The following TCIRG1 variants were observed in gnomAD, a reference collection of about 807,000 sequenced individuals.
TCIRG1 encodes V-type proton ATPase 116 kDa subunit a 3.
A neutral mutation model predicts 95.5 loss-of-function variants in TCIRG1; 86 were observed. That is an observed-to-expected ratio of 0.90 (90% CI 0.76 to 1.08). The LOEUF (loss-of-function observed/expected upper bound fraction) is 1.08, where lower values mean the gene tolerates loss of function less well. Among genes scored for constraint, TCIRG1 ranks in the 50% least tolerant of loss-of-function variants. The probability of loss-of-function intolerance (pLI) is 0.00; values close to 1 mark genes in which losing one functional copy is unlikely to be tolerated. For synonymous variants in TCIRG1, 499 were observed against 501.3 expected (o/e 1.00, Z 0.06); for missense variants, 1,069 against 1,140.2 (o/e 0.94, Z 0.90).
At position 68,049,286 on chromosome 11, in the gene TCIRG1, C is replaced by A; in HGVS notation, c.1879C>A (p.Pro627Thr). The change falls in exon 15 of 20, where the codon CCC (proline) becomes ACC (threonine). Residue 627 changes from proline (P) to threonine (T), a missense_variant. By Grantham distance (38) the Pro-to-Thr change is conservative (BLOSUM62 -1). Coordinates refer to ENST00000265686, the MANE Select transcript of TCIRG1 (RefSeq NM_006019.4). ...CAGCCCCAGCAACAGGCTGCTCTAC[C>A]CCCGGCAGGTGGGCTGCGGCTGGTG... ...SHSPSNRLLY[P>T]RQEVVQATLV... is the part of the protein sequence containing the mutation. 1.9e-6 allele frequency: 3 copies of A among 1,608,196 alleles called. No individual in the cohort carries two copies. Among genetic ancestry groups the A allele is most frequent in the Non-Finnish European group, 2.5e-6 (3 of 1,176,786 alleles).
rs771198568 is a variant in TCIRG1, at chr11:68,042,753, C to G, written c.307C>G (p.Arg103Gly). 3 of 1,547,274 alleles carry G rather than the reference C, an allele frequency of 1.9e-6. No homozygotes were observed. The highest frequency in any genetic ancestry group is 2.6e-6 in the Non-Finnish European group (3 of 1,146,382). Reference protein sequence around the residue: ...DLLRIQEETERLAQELRDVRG... With the variant: ...DLLRIQEETEGLAQELRDVRG... Reference sequence around the variant, plus strand: ...GCTGCGCATCCAGGAGGAGACGGAGCGCCTGGCCCAGGAGCTGCGGGATGT... The same window carrying G: ...GCTGCGCATCCAGGAGGAGACGGAGGGCCTGGCCCAGGAGCTGCGGGATGT... The change falls in exon 4 of 20, where the codon CGC (arginine) becomes GGC (glycine). Residue 103 changes from arginine (R) to glycine (G), a missense_variant. Transcript: ENST00000265686.
rs201017845 is a variant in TCIRG1, at chr11:68,050,199, C to T, written c.2181C>T (p.Cys727=). 61 of 1,613,666 alleles carry T rather than the reference C, an allele frequency of 3.8e-5. No individual in the cohort carries two copies. The East Asian group carries it at 1.1e-3, about 28-fold the overall frequency. ...ACACCATCGAGTTCTGCCTGGGCTG[C>T]GTCTCCAACACCGCCTCCTACCTGC... The part of the protein sequence containing the change: ...AIHTIEFCLG[C]VSNTASYLRL... The change falls in exon 18 of 20, where the codon TGC becomes TGT. Residue 727 remains cysteine, a synonymous_variant. Transcript: ENST00000265686.
At position 68,043,031 on chromosome 11, in the gene TCIRG1, A is replaced by C; in HGVS notation, c.503A>C (p.Asn168Thr). The C allele has an allele frequency of 1.3e-6, 2 of 1,550,000 alleles. No homozygotes were observed. The highest frequency in any genetic ancestry group is 1.7e-6 in the Non-Finnish European group (2 of 1,147,010). The change falls in exon 5 of 20, where the codon AAC becomes ACC. Residue 168 changes from asparagine (N) to threonine (T), a missense_variant and splice_region_variant. Transcript: ENST00000265686. ...GGGCCGCACCAGGACCTGAGGGTCA[A>C]GTGAGTGAGGGATGACCTCATGCCC... ...PGGPHQDLRV[N>T]FVAGAVEPHK...
rs747971622 is a variant in TCIRG1, at chr11:68,049,748, G to A, written c.1973G>A (p.Arg658His). The A allele has an allele frequency of 2.2e-5, 35 of 1,577,494 alleles. No individual in the cohort carries two copies. Among genetic ancestry groups the A allele is most frequent in the Admixed American group, 1.3e-4 (7 of 55,718 alleles). Residue 658 changes from arginine (R) to histidine (H), a missense_variant, in exon 16 of 20, where the codon CGC becomes CAC. By Grantham distance (29) the Arg-to-His change is conservative. Transcript: ENST00000265686. ...GGCACACCCCTGCACCTGCTGCACC[G>A]CCACCGCCGCCGCCTGCGGAGGAGG... ...LLGTPLHLLH[R>H]HRRRLRRRPA...
chr11:68,044,925 A>G (rs1269285612), intron 9 of TCIRG1, 33 bp from the exon 10 acceptor site: 1 of 1,603,924 alleles, frequency 6.2e-7, no homozygotes, highest in South Asian at 1.1e-5. Context: ...GGCCCCCGCC[A>G]CCGTTCTGGT....
rs1383427902 is a variant in TCIRG1 at position 68,042,717 on chromosome 11, C to T, written c.271C>T (p.Pro91Ser). 4 of 1,546,414 alleles carry T rather than the reference C, an allele frequency of 2.6e-6. No individual in the cohort carries two copies. In the Admixed American group the frequency reaches 7.9e-5, roughly 30 times the overall value. Residue 91 changes from proline to serine, a missense_variant, in exon 4 of 20, where the codon CCC becomes TCC. Pro to Ser is a moderately conservative substitution (Grantham distance 74). Coordinates refer to ENST00000265686, the MANE Select transcript of TCIRG1 (RefSeq NM_006019.4). ...PPKGRLPAPPPRDLLRIQEET... is the reference protein window; with the variant it reads ...PPKGRLPAPPSRDLLRIQEET... ...AAAGGGGAGGCTGCCGGCACCCCCA[C>T]CCCGGGACCTGCTGCGCATCCAGGA...
chr11:68,047,611 G>A, intron 11 of TCIRG1, 36 bp from the exon 12 acceptor site: 3 of 1,612,932 alleles, frequency 1.9e-6, no homozygotes, highest in South Asian at 1.1e-5. Context: ...GGGTAGCAGG[G>A]CCAGGCAGCC....
chr11:68,042,795 G>A lies in TCIRG1; in HGVS notation c.349G>A (p.Ala117Thr). The change falls in exon 4 of 20, where the codon GCC (alanine) becomes ACC (threonine). Residue 117 changes from alanine to threonine, a missense_variant. By Grantham distance (58) the Ala-to-Thr change is moderately conservative (BLOSUM62 0). Transcript: ENST00000265686. Reference protein sequence around the residue: ...ELRDVRGNQQALRAQLHQLQL... With the variant: ...ELRDVRGNQQTLRAQLHQLQL... ...GCGGGATGTGCGGGGCAACCAGCAG[G>A]CCCTGCGGGCCCAGCTGCACCAGCT... The A allele has an allele frequency of 6.5e-7, 1 of 1,548,266 alleles. No homozygotes were observed. The highest frequency in any genetic ancestry group is 8.7e-7 in the Non-Finnish European group (1 of 1,146,402).
chr11:68,047,152 AG>A (rs1196294724), intron 10 of TCIRG1, among the ~76,000 whole-genome samples: 2 of 149,746 alleles, frequency 1.3e-5, no homozygotes, highest in African/African-American at 5.0e-5. Context: ...CTGGGATTAC[AG>A]GCACCTGCCA....
chr11:68,046,665 T>C (rs1855502613), intron 10 of TCIRG1, among the ~76,000 whole-genome samples: 1 of 152,134 alleles, frequency 6.6e-6, no homozygotes, highest in Admixed American at 6.5e-5. Flanking sequence ...CCTGACAGTG[T>C]GTATGTTGGG....
Position 68,050,765 on chromosome 11 carries a change from C to G in TCIRG1, c.2439C>G (p.Tyr813Ter), listed in dbSNP as rs904593138. Residue 813 changes from tyrosine (Y) to a stop codon, truncating the protein, a stop_gained, in exon 20 of 20, where the codon TAC (tyrosine) becomes TAG (stop). Transcript: ENST00000265686. LOFTEE classifies it high-confidence loss of function. Reference sequence around the variant, plus strand: ...GGGTGGAATTCCAGAACAAGTTCTACTCAGGCACGGGCTACAAGCTGAGTC... The same window carrying G: ...GGGTGGAATTCCAGAACAAGTTCTAGTCAGGCACGGGCTACAAGCTGAGTC... ...LHWVEFQNKF[Y>*]SGTGYKLSPF... The G allele has an allele frequency of 1.9e-6, 3 of 1,613,936 alleles. No homozygotes were observed. Among genetic ancestry groups the G allele is most frequent in the Non-Finnish European group, 2.5e-6 (3 of 1,180,026 alleles).
Position 68,043,872 on chromosome 11 carries a change from C to T in TCIRG1, c.772C>T (p.Gln258Ter), listed in dbSNP as rs866821968. ...QQEEARLGAL[Q>*]QLQQQSQELQ... is the part of the protein sequence containing the mutation. ...GGAGGAGGCCCGCCTCGGGGCCCTG[C>T]AGCAGCTGCAACAGCAGAGCCAGGA... The change falls in exon 8 of 20, where the codon CAG (glutamine) becomes TAG (stop). Residue 258 changes from glutamine (Q) to a stop codon, truncating the protein, a stop_gained. Coordinates refer to ENST00000265686, the MANE Select transcript of TCIRG1 (RefSeq NM_006019.4). LOFTEE classifies it high-confidence loss of function. 1 of 1,565,948 alleles carries T rather than the reference C, an allele frequency of 6.4e-7. No individual in the cohort carries two copies. Among genetic ancestry groups the T allele is most frequent in the Non-Finnish European group, 8.6e-7 (1 of 1,156,210 alleles).
chr11:68,042,689 G>A lies in TCIRG1; in HGVS notation c.243G>A (p.Pro81=), dbSNP rs756073508. The change falls in exon 4 of 20, where the codon CCG becomes CCA. Residue 81 remains proline, a synonymous_variant. Transcript: ENST00000265686. The part of the protein sequence containing the change: ...EVRRAGLVLP[P]PKGRLPAPPP... ...GGCGGGCTGGGCTGGTCCTGCCCCCGCCAAAGGGGAGGCTGCCGGCACCCC... is the reference window on the plus strand; with the variant it reads ...GGCGGGCTGGGCTGGTCCTGCCCCCACCAAAGGGGAGGCTGCCGGCACCCC... 10 of 1,545,712 alleles carry A rather than the reference G, an allele frequency of 6.5e-6. No individual in the cohort carries two copies. Among genetic ancestry groups the A allele is most frequent in the Non-Finnish European group, 8.7e-6 (10 of 1,145,510 alleles).
chr11:68,043,789 C>T, intron 7 of TCIRG1, 25 bp from the exon 8 acceptor site: 3 of 1,554,386 alleles, frequency 1.9e-6, no homozygotes, highest in Non-Finnish European at 2.6e-6. Flanking sequence ...CTTCTGGCCC[C>T]TCACGCAGCG....
rs766134787 is a variant in TCIRG1 at position 68,043,354 on chromosome 11, A to G, written c.504-17A>G. 1.3e-6 allele frequency: 2 copies of G among 1,538,728 alleles called. No individual in the cohort carries two copies. The highest frequency in any genetic ancestry group is 1.4e-5 in the African/African-American group (1 of 73,070). ...GCAGGAGGTTGGAGCAGCCCTGCCC[A>G]GCCCCGTGGCCGCCAGCTTTGTGGC... On this transcript the variant is annotated splice_polypyrimidine_tract_variant and intron_variant, in intron 5 of 19. Coordinates refer to ENST00000265686, the MANE Select transcript of TCIRG1 (RefSeq NM_006019.4).
chr11:68,041,365 C>T lies in TCIRG1; in HGVS notation c.94C>T (p.Leu32=). ...AYTCVSRLGE[L]GLVEFRDLNA... ...CACCTGCGTGAGTCGGCTGGGCGAG[C>T]TGGGCCTCGTGGAGTTCAGAGACGT... Residue 32 remains leucine, a synonymous_variant, in exon 2 of 20, where the codon CTG becomes TTG. Coordinates refer to ENST00000265686, the MANE Select transcript of TCIRG1 (RefSeq NM_006019.4). The T allele has an allele frequency of 6.2e-7, 1 of 1,612,780 alleles. No homozygotes were observed. The highest frequency in any genetic ancestry group is 8.5e-7 in the Non-Finnish European group (1 of 1,179,662).
At chr11:68,043,148 G>A (rs867889586) in intron 5 of TCIRG1, 117 bp downstream of exon 5, 14 of 1,529,442 alleles carry the variant, frequency 9.2e-6, no homozygotes, top group East Asian at 2.5e-5. Flanking sequence ...GGCTGGCCCC[G>A]CCTCCTCCTT....
chr11:68,044,382 C>T, intron 9 of TCIRG1, 38 bp downstream of exon 9: 1 of 1,503,518 alleles, frequency 6.7e-7, no homozygotes, highest in Non-Finnish European at 9.0e-7. Context: ...TCCGCCCGCC[C>T]CTCCTACCAG....
chr11:68,049,521 A>C lies in TCIRG1; in HGVS notation c.1888-142A>C. The C allele has an allele frequency of 2.4e-6, 3 of 1,227,254 alleles. No individual in the cohort carries two copies. The Admixed American group carries it at 6.1e-5, about 25-fold the overall frequency. 76.0% of individuals were successfully genotyped at this position (1,227,254 alleles called of 1,614,324 possible). A position where few individuals can be genotyped will look rare whatever the true frequency, so the allele number is the denominator to read the frequency against. ...GGAGTCCTTATGGAGGCAGACCCTC[A>C]CCCAGTGAGGGCACGGAGCCCCCGG... On this transcript the variant is annotated intron_variant, in intron 15 of 19. Transcript: ENST00000265686.
Sources: allele counts gnomAD v4.1 joint callset (sites outside exome capture counted in the v4.1 genomes callset), GRCh38; gene constraint gnomAD v4.1.1; transcripts MANE v1.5; gene names NCBI Gene and HGNC (gene_info 2026-07-23, HGNC 2026-07-21).